Variants in NBEA observed in about 807,000 individuals in gnomAD.
NBEA encodes neurobeachin, also known as lysosomal-trafficking regulator 2.
A neutral mutation model predicts 343.4 loss-of-function variants in NBEA; 44 were observed. The ratio of observed to expected loss-of-function variants is 0.13; its 90% CI spans 0.10 to 0.16. The LOEUF (loss-of-function observed/expected upper bound fraction) is 0.16. Among genes scored for constraint, NBEA ranks in the 10% least tolerant of loss-of-function variants. The pLI is 1.00. For synonymous variants in NBEA, 1,175 were observed against 1,238.7 expected (o/e 0.95, Z 1.08); for missense variants, 2,555 against 3,631.3 (o/e 0.70, Z 7.62).
chr13:35,550,718 A>C, intron 42 of NBEA, 124 bp downstream of exon 42: 1 of 693,656 alleles, frequency 1.4e-6, no homozygotes, highest in South Asian at 2.1e-5. Flanking sequence ...AAACAAACAG[A>C]AATTCTTTTT....
intron 31 of NBEA, among the ~76,000 whole-genome samples, chr13:35,199,685 C>T (rs954865175): frequency 1.2e-4 from 18 of 152,034 alleles, no homozygotes; most frequent in Non-Finnish European, 1.6e-4. Context: ...TGTTCTACGT[C>T]GAGTGTATCT....
At chr13:35,013,766 G>A (rs189643141) in intron 1 of NBEA, among the ~76,000 whole-genome samples, 1 of 152,206 alleles carries the variant, frequency 6.6e-6, no homozygotes, top group East Asian at 1.9e-4. Context: ...ACTGTGCCCT[G>A]CCTAAACATG....
chr13:35,434,324 A>T (rs2045295827), intron 39 of NBEA, among the ~76,000 whole-genome samples: 1 of 152,168 alleles, frequency 6.6e-6, no homozygotes. Flanking sequence ...TGTGATACTA[A>T]ATATTCTTTA....
intron 38 of NBEA, among the ~76,000 whole-genome samples, chr13:35,372,152 T>A (rs1248961816): frequency 6.6e-6 from 1 of 152,140 alleles, no homozygotes; most frequent in African/African-American, 2.4e-5. Flanking sequence ...GATGGGCAGA[T>A]TGGCTGGTCT....
rs116029855 is a variant in NBEA, at chr13:35,230,084, A to G, written c.5649-2408A>G. Among the ~76,000 whole-genome samples the G allele has an allele frequency of 2.1e-3, 326 of 152,244 alleles. 1 individual carries two copies. Among genetic ancestry groups the G allele is most frequent in the African/African-American group, 7.3e-3 (302 of 41,568 alleles). ...TTGCAGGATGATACGTAAGAGCAAC[A>G]TTTACTATTCTAATAAATTTTATAA... On this transcript the variant is annotated intron_variant, in intron 33 of 58. Transcript: ENST00000379939.
chr13:35,050,484 G>T (rs1037825125), intron 6 of NBEA, 89 bp downstream of exon 6: 1 of 1,303,322 alleles, frequency 7.7e-7, no homozygotes, highest in Non-Finnish European at 1.0e-6. Flanking sequence ...TCTCTTTCAC[G>T]GGTTTTCCTA....
At chr13:35,167,697 T>G (rs1319322381) in intron 24 of NBEA, among the ~76,000 whole-genome samples, 1 of 151,866 alleles carries the variant, frequency 6.6e-6, no homozygotes, top group Non-Finnish European at 1.5e-5. Flanking sequence ...AGCATTATTT[T>G]TGTTGTTGTT....
chr13:35,356,829 G>A (rs1157660484), intron 38 of NBEA, among the ~76,000 whole-genome samples: 1 of 152,008 alleles, frequency 6.6e-6, no homozygotes, highest in Non-Finnish European at 1.5e-5. Context: ...CCTTTTGTAT[G>A]CTGTTCCTTC....
At chr13:35,453,059 G>A (rs2046384961) in intron 40 of NBEA, among the ~76,000 whole-genome samples, 1 of 152,154 alleles carries the variant, frequency 6.6e-6, no homozygotes, top group South Asian at 2.1e-4. Context: ...GTGGCAGGTG[G>A]CAATAGAGAG....
At position 35,245,401 on chromosome 13, in the gene NBEA, A is replaced by C. The variant is rs2031033999; in HGVS notation, c.5776+12782A>C. Among the ~76,000 whole-genome samples, 3 of 152,056 alleles carry C rather than the reference A, an allele frequency of 2.0e-5. No homozygotes were observed. In the South Asian group the frequency reaches 6.2e-4, roughly 31 times the overall value. On this transcript the variant is annotated intron_variant, in intron 34 of 58. Coordinates refer to ENST00000379939, the MANE Select transcript of NBEA (RefSeq NM_001385012.1). The stretch of plus-strand genomic sequence containing the variant: ...TAGGTTATGTGAGATTCATGCTTTA[A>C]AGAGTTTCTGTTTTGATGTGTTTCC...
chr13:35,308,016 T>C (rs2152830893), intron 35 of NBEA, among the ~76,000 whole-genome samples: 1 of 152,120 alleles, frequency 6.6e-6, no homozygotes, highest in African/African-American at 2.4e-5. Flanking sequence ...AGTTACCATA[T>C]CTCTTTTCAC....
chr13:35,305,602 C>T (rs1021964997), intron 35 of NBEA, among the ~76,000 whole-genome samples: 6 of 152,152 alleles, frequency 3.9e-5, no homozygotes, highest in African/African-American at 1.4e-4. Flanking sequence ...TTCTCTTTCC[C>T]TCCATCTTGG....
intron 41 of NBEA, among the ~76,000 whole-genome samples, chr13:35,480,327 A>G (rs1414369592): frequency 6.6e-6 from 1 of 152,128 alleles, no homozygotes; most frequent in African/African-American, 2.4e-5. Flanking sequence ...GTTGAGAAAT[A>G]CAAGAATGCA....
At chr13:35,598,147 A>G (rs534378045) in intron 47 of NBEA, among the ~76,000 whole-genome samples, 1 of 152,306 alleles carries the variant, frequency 6.6e-6, no homozygotes, top group Non-Finnish European at 1.5e-5. Context: ...GGGAGCTAAA[A>G]AGACAAATTA....
chr13:35,475,827 G>C (rs142862986), intron 41 of NBEA: 1 of 1,613,876 alleles, frequency 6.2e-7, no homozygotes, highest in Non-Finnish European at 8.5e-7. Flanking sequence ...TCTTGCGCCC[G>C]TCGCTCAACT....
chr13:35,544,106 A>G (rs2078958785), intron 41 of NBEA, among the ~76,000 whole-genome samples: 1 of 152,222 alleles, frequency 6.6e-6, no homozygotes, highest in Admixed American at 6.5e-5. Flanking sequence ...TATAAAAGTA[A>G]TAGGGATTTG....
intron 1 of NBEA, among the ~76,000 whole-genome samples, chr13:34,978,320 A>G (rs2152504534): frequency 6.6e-6 from 1 of 152,268 alleles, no homozygotes; most frequent in African/African-American, 2.4e-5. Context: ...GTGAACACCC[A>G]TATATGTACC....
chr13:35,306,355 A>G (rs1374044766), intron 35 of NBEA, among the ~76,000 whole-genome samples: 4 of 152,002 alleles, frequency 2.6e-5, no homozygotes, highest in South Asian at 2.1e-4. Flanking sequence ...TAAAATTCCT[A>G]TTTACTAGAT....
At chr13:35,522,426 C>A (rs1020792317) in intron 41 of NBEA, among the ~76,000 whole-genome samples, 47 of 134,598 alleles carry the variant, frequency 3.5e-4, no homozygotes, top group African/African-American at 1.3e-3. Flanking sequence ...CAAGATCACA[C>A]CACTGCACTC....
Sources: allele counts gnomAD v4.1 joint callset (sites outside exome capture counted in the v4.1 genomes callset), GRCh38; gene constraint gnomAD v4.1.1; transcripts MANE v1.5; gene names NCBI Gene and HGNC (gene_info 2026-07-23, HGNC 2026-07-21).